Variants in ANK3 observed in about 807,000 individuals in gnomAD.
ANK3 encodes ankyrin 3.
Under a neutral mutation model 370.9 loss-of-function variants are expected in ANK3, and 57 were observed. The observed-to-expected ratio is 0.15, with a 90% CI of 0.12 to 0.19. The LOEUF (loss-of-function observed/expected upper bound fraction) is 0.19. ANK3 is among the 10% of genes least tolerant of loss of function. ANK3 has a pLI of 1.00. For missense variants in ANK3, 4,439 were observed against 5,302.1 expected (o/e 0.84, Z 5.06); for synonymous variants, 1,929 against 1,946.3 (o/e 0.99, Z 0.23).
In ANK3 at chr10:60,214,231, AG is replaced by A. The variant is rs1229880503; in HGVS notation, c.898-722del. The stretch of plus-strand genomic sequence containing the variant: ...AGATTAGTTATTGCTAGAATAAGAC[AG>A]GGTTCAGCATCAATATTAGCCCTGA... On this transcript the variant is annotated intron_variant, in intron 8 of 43. Transcript: ENST00000280772. Among the ~76,000 whole-genome samples the A allele has an allele frequency of 2.6e-5, 4 of 152,306 alleles. No individual in the cohort carries two copies. The East Asian group carries it at 7.7e-4, about 29-fold the overall frequency.
Position 60,246,278 on chromosome 10 carries a change from AAAAG to A in ANK3, c.799-11496_799-11493del, listed in dbSNP as rs2097552801. Among the ~76,000 whole-genome samples, 68 of 135,292 alleles carry A rather than the reference AAAAG, an allele frequency of 5.0e-4. 4 individuals are homozygous for A. Among genetic ancestry groups the A allele is most frequent in the East Asian group, 2.4e-3 (9 of 3,676 alleles). The allele number at this position is 135,292 out of a possible 152,430, so 88.8% of individuals were successfully genotyped here. ...ATCAAAAAAAAAAAAAAAAAAAAAAAAAAGAAAAAAGAAAAAAAGATGATCACCA... is the reference window on the plus strand; with the variant it reads ...ATCAAAAAAAAAAAAAAAAAAAAAAAAAAAAAGAAAAAAAGATGATCACCA... On this transcript the variant is annotated intron_variant, in intron 7 of 43. Coordinates refer to ENST00000280772, the MANE Select transcript of ANK3 (RefSeq NM_020987.5).
At chr10:60,300,549 G>A (rs1428255421) in intron 1 of ANK3, 2 of 1,199,908 alleles carry the variant, frequency 1.7e-6, no homozygotes, top group Non-Finnish European at 2.1e-6. Context: ...TACAGAATCC[G>A]CCTGGGCCCT....
At chr10:60,441,463 T>C (rs1040928098) in intron 2 of ANK3, among the ~76,000 whole-genome samples, 1 of 152,204 alleles carries the variant, frequency 6.6e-6, no homozygotes, top group African/African-American at 2.4e-5. Flanking sequence ...TTTGTTAATA[T>C]GTAAAGTTTC....
chr10:60,424,525 T>A (rs1422892674), intron 2 of ANK3, among the ~76,000 whole-genome samples: 1 of 152,044 alleles, frequency 6.6e-6, no homozygotes, highest in Non-Finnish European at 1.5e-5. Flanking sequence ...ATTTTTGAGC[T>A]CTTCCTATAT....
intron 42 of ANK3, among the ~76,000 whole-genome samples, chr10:60,045,107 T>G (rs1646093713): frequency 6.6e-6 from 1 of 152,146 alleles, no homozygotes; most frequent in Admixed American, 6.5e-5. Flanking sequence ...AACAAAACAA[T>G]AGTGTTTTAG....
intron 25 of ANK3, among the ~76,000 whole-genome samples, chr10:60,127,537 T>C (rs1022868900): frequency 2.0e-5 from 3 of 152,202 alleles, no homozygotes; most frequent in Admixed American, 6.5e-5. Flanking sequence ...CCTTTTAGTC[T>C]TACAACTAAT....
At chr10:60,706,532 C>CAA (rs111815151) in intron 1 of ANK3, among the ~76,000 whole-genome samples, 4 of 146,324 alleles carry the variant, frequency 2.7e-5, no homozygotes, top group African/African-American at 1.0e-4. Flanking sequence ...TGCTCCTAAC[C>CAA]AAAAAAAAAA....
chr10:60,125,325 T>A (rs78780657), intron 25 of ANK3, among the ~76,000 whole-genome samples: 1,635 of 152,274 alleles, frequency 0.011, 13 homozygotes, highest in Non-Finnish European at 0.018. Context: ...AAGGTCAGAG[T>A]GGAAGCTGAG....
intron 1 of ANK3, among the ~76,000 whole-genome samples, chr10:60,672,196 GTGCTAGATGCATC>G (rs2133382322): frequency 6.6e-6 from 1 of 152,306 alleles, no homozygotes; most frequent in African/African-American, 2.4e-5. Context: ...CTGAGCAGAG[GTGCTAGATGCATC>G]TTTTGTTTTG....
intron 41 of ANK3, among the ~76,000 whole-genome samples, chr10:60,058,661 C>T (rs1001796912): frequency 1.3e-5 from 2 of 152,066 alleles, no homozygotes; most frequent in Non-Finnish European, 2.9e-5. Context: ...GTTTAATCTG[C>T]ATTTTAAGTT....
intron 1 of ANK3, chr10:60,684,930 A>G (rs754654740): frequency 3.7e-5 from 56 of 1,512,048 alleles, no homozygotes; most frequent in Non-Finnish European, 4.9e-5. Flanking sequence ...AGAACTCATT[A>G]TCTCTTTCAG....
At chr10:60,344,299 T>A (rs2054919462) in intron 1 of ANK3, among the ~76,000 whole-genome samples, 1 of 152,250 alleles carries the variant, frequency 6.6e-6, no homozygotes. Context: ...AATTCTGTAT[T>A]CCACATTTCT....
intron 2 of ANK3, among the ~76,000 whole-genome samples, chr10:60,429,904 C>T (rs545710846): frequency 6.6e-6 from 1 of 152,126 alleles, no homozygotes; most frequent in Non-Finnish European, 1.5e-5. Context: ...CAAACCATTA[C>T]TTTGATCCTC....
chr10:60,211,968 T>C (rs1480357848), intron 9 of ANK3, among the ~76,000 whole-genome samples: 1 of 138,064 alleles, frequency 7.2e-6, no homozygotes, highest in Non-Finnish European at 1.6e-5. Flanking sequence ...AAAAACTAAA[T>C]TAAAAGAAAA....
intron 2 of ANK3, among the ~76,000 whole-genome samples, chr10:60,400,505 T>C (rs1029310279): frequency 2.0e-5 from 3 of 152,062 alleles, no homozygotes; most frequent in African/African-American, 7.2e-5. Context: ...CATTTCATGA[T>C]AGCATATTCT....
At chr10:60,423,619 G>A (rs1482028685) in intron 2 of ANK3, among the ~76,000 whole-genome samples, 1 of 151,898 alleles carries the variant, frequency 6.6e-6, no homozygotes, top group African/African-American at 2.4e-5. Context: ...CAAAGTTCTT[G>A]TATATCCTTA....
intron 2 of ANK3, among the ~76,000 whole-genome samples, chr10:60,558,002 A>G (rs528746017): frequency 1.2e-4 from 18 of 152,342 alleles, no homozygotes; most frequent in Admixed American, 9.2e-4. Flanking sequence ...CTGTATTGTT[A>G]GAGACACTGT....
At chr10:60,332,361 A>G (rs1343964840) in intron 1 of ANK3, among the ~76,000 whole-genome samples, 1 of 152,232 alleles carries the variant, frequency 6.6e-6, no homozygotes, top group African/African-American at 2.4e-5. Context: ...TCTTTTTAGA[A>G]GCTCACCTCA....
intron 16 of ANK3, among the ~76,000 whole-genome samples, chr10:60,192,492 A>T (rs1056687032): frequency 1.3e-5 from 2 of 151,830 alleles, no homozygotes; most frequent in Non-Finnish European, 2.9e-5. Context: ...AAATACACAC[A>T]CACACCCCAT....
Sources: gnomAD v4.1 joint callset for allele counts (sites outside exome capture counted in the v4.1 genomes callset) on GRCh38, gnomAD v4.1.1 for gene constraint, MANE v1.5 for transcripts, NCBI Gene and HGNC (gene_info 2026-07-23, HGNC 2026-07-21) for gene names.